The following LYRM9 variants were observed in gnomAD, a reference collection of about 807,000 sequenced individuals.
LYRM9 encodes LYR motif-containing protein 9.
A neutral mutation model predicts 12.6 loss-of-function variants in LYRM9; 14 were observed. That is an observed-to-expected ratio of 1.11 (90% CI 0.73 to 1.73). LYRM9 has a LOEUF of 1.73. LYRM9 is among the 40% of genes most tolerant of loss of function. LYRM9 has a pLI of 0.00. For synonymous variants in LYRM9, 42 were observed against 35.1 expected (o/e 1.20, Z -0.69); for missense variants, 94 against 95.0 (o/e 0.99, Z 0.04).
intron 2 of LYRM9, among the ~76,000 whole-genome samples, chr17:27,881,442 T>C (rs1271083810): frequency 6.6e-6 from 1 of 151,560 alleles, no homozygotes; most frequent in Admixed American, 6.6e-5. Flanking sequence ...CTCTGATTTT[T>C]TTTTTTTTTT....
intron 2 of LYRM9, 52 bp downstream of exon 2, chr17:27,882,517 C>A: frequency 6.7e-7 from 1 of 1,503,244 alleles, no homozygotes; most frequent in Admixed American, 2.0e-5. Flanking sequence ...GACCTGCGCC[C>A]CTAAGCCTGC....
chr17:27,891,752 A>G (rs931893652), intron 1 of LYRM9, among the ~76,000 whole-genome samples: 5 of 152,184 alleles, frequency 3.3e-5, no homozygotes, highest in African/African-American at 4.8e-5. Context: ...TACCTCTGCT[A>G]TCTACTAGCT....
At chr17:27,892,205 T>C (rs1905480004) in intron 1 of LYRM9, 2 of 269,032 alleles carry the variant, frequency 7.4e-6, no homozygotes, top group South Asian at 3.4e-5. Context: ...GCTGAGATTA[T>C]GGGCATGAGC....
intron 1 of LYRM9, chr17:27,892,063 G>C (rs1905472851): frequency 5.9e-6 from 1 of 168,644 alleles, no homozygotes; most frequent in East Asian, 1.8e-4. Context: ...CAAGTGGCCG[G>C]GATCACAGGC....
chr17:27,880,140 G>A (rs1372948131), intron 3 of LYRM9, 134 bp downstream of exon 3: 1 of 739,080 alleles, frequency 1.4e-6, no homozygotes, highest in East Asian at 2.7e-5. Flanking sequence ...TCTGGAGGAG[G>A]GAAGCAGCTG....
At position 27,882,597 on chromosome 17, in the gene LYRM9, T is replaced by C. The variant is rs1905097746; in HGVS notation, c.98A>G (p.Gln33Arg). ...CCTGACAGCATGCTTGTAATGCTGC[T>C]GGATGCCCTTGGTCGGCAGCTGCTG... Reference protein sequence around the residue: ...CCQQLPTKGIQQHYKHAVRQS... With the variant: ...CCQQLPTKGIRQHYKHAVRQS... Residue 33 changes from glutamine to arginine, a missense_variant, in exon 2 of 4, where the codon CAG becomes CGG. Gln to Arg is a conservative substitution (Grantham distance 43). Transcript: ENST00000379102. The C allele has an allele frequency of 6.3e-7, 1 of 1,596,310 alleles. No homozygotes were observed. The highest frequency in any genetic ancestry group is 8.5e-7 in the Non-Finnish European group (1 of 1,172,432).
chr17:27,882,229 G>C (rs1905084520), intron 2 of LYRM9, among the ~76,000 whole-genome samples: 1 of 152,150 alleles, frequency 6.6e-6, no homozygotes, highest in Non-Finnish European at 1.5e-5. Flanking sequence ...ATGGCCTCTC[G>C]ATTTGGTTTT....
chr17:27,884,446 G>A (rs1164806441), intron 1 of LYRM9, among the ~76,000 whole-genome samples: 2 of 152,194 alleles, frequency 1.3e-5, no homozygotes, highest in East Asian at 3.8e-4. Context: ...ACCAAATGTG[G>A]CGCCTTTCAG....
intron 1 of LYRM9, among the ~76,000 whole-genome samples, chr17:27,885,308 G>A (rs1905198076): frequency 6.6e-6 from 1 of 152,200 alleles, no homozygotes; most frequent in South Asian, 2.1e-4. Flanking sequence ...TTGATGCTGG[G>A]AGGATTTGAT....
intron 1 of LYRM9, among the ~76,000 whole-genome samples, chr17:27,889,209 T>C (rs932646570): frequency 2.9e-4 from 44 of 152,170 alleles, no homozygotes; most frequent in African/African-American, 9.4e-4. Flanking sequence ...ACCTGGGAAT[T>C]CAAGGAATGC....
intron 1 of LYRM9, among the ~76,000 whole-genome samples, chr17:27,887,840 T>C (rs1905289591): frequency 6.6e-6 from 1 of 151,994 alleles, no homozygotes; most frequent in Non-Finnish European, 1.5e-5. Flanking sequence ...GCAGAGCCAA[T>C]GTCCCAGTTC....
chr17:27,888,146 A>G (rs1285646565), intron 1 of LYRM9, among the ~76,000 whole-genome samples: 1 of 152,190 alleles, frequency 6.6e-6, no homozygotes, highest in Admixed American at 6.5e-5. Context: ...GTAGACATTC[A>G]ATTTCTATTT....
intron 1 of LYRM9, among the ~76,000 whole-genome samples, chr17:27,887,236 A>C (rs1244840149): frequency 6.6e-6 from 1 of 152,234 alleles, no homozygotes; most frequent in Non-Finnish European, 1.5e-5. Flanking sequence ...AAAATGTAGA[A>C]CAAATACCTG....
chr17:27,884,515 G>A (rs1395907243), intron 1 of LYRM9, among the ~76,000 whole-genome samples: 5 of 152,202 alleles, frequency 3.3e-5, no homozygotes, highest in Non-Finnish European at 5.9e-5. Context: ...GAGGAACCTT[G>A]TTCATCCTTC....
At chr17:27,880,172 G>T in intron 3 of LYRM9, 102 bp downstream of exon 3, 2 of 905,828 alleles carry the variant, frequency 2.2e-6, no homozygotes, top group East Asian at 2.6e-5. Context: ...CCTCCACAGG[G>T]ACCATTCTCA....
rs371186464 is a variant in LYRM9 at position 27,885,816 on chromosome 17, C to T, written c.-18-3104G>A. ...TCTGGGCCAATTAATCCCCTTTCAC[C>T]AAAGCAGCTGGGGTTTGTTTTGTCA... On this transcript the variant is annotated intron_variant, in intron 1 of 3. Transcript: ENST00000379102. Among the ~76,000 whole-genome samples, 8 of 151,982 alleles carry T rather than the reference C, an allele frequency of 5.3e-5. No individual in the cohort carries two copies. In the East Asian group the frequency reaches 1.5e-3, roughly 29 times the overall value.
chr17:27,880,216 G>A (rs1272160470), intron 3 of LYRM9, 58 bp downstream of exon 3: 1 of 1,359,918 alleles, frequency 7.4e-7, no homozygotes, highest in East Asian at 2.4e-5. Context: ...AGTGGTCATG[G>A]GGATCACAGC....
At chr17:27,885,830 T>TTTG (rs1003910384) in intron 1 of LYRM9, among the ~76,000 whole-genome samples, 1 of 151,452 alleles carries the variant, frequency 6.6e-6, no homozygotes, top group Admixed American at 6.6e-5. Context: ...GCAGCTGGGG[T>TTTG]TTGTTTTGTC....
chr17:27,885,619 A>G (rs1905205552), intron 1 of LYRM9, among the ~76,000 whole-genome samples: 1 of 141,450 alleles, frequency 7.1e-6, no homozygotes. Context: ...CTGTGATGGG[A>G]GGATCACTTC....
Sources: allele counts gnomAD v4.1 joint callset (sites outside exome capture counted in the v4.1 genomes callset), GRCh38; gene constraint gnomAD v4.1.1; transcripts MANE v1.5; gene names NCBI Gene and HGNC (gene_info 2026-07-23, HGNC 2026-07-21).